Variants in EPHA6 observed in about 807,000 individuals in gnomAD.
EPHA6 encodes ephrin type-A receptor 6.
In EPHA6, 50 loss-of-function variants were observed where a neutral mutation model predicts 112.0. That is an observed-to-expected ratio of 0.45 (90% CI 0.36 to 0.56). The LOEUF is 0.56. EPHA6 is among the 20% of genes least tolerant of loss of function. EPHA6 has a pLI of 0.00. For missense variants in EPHA6, 1,280 were observed against 1,417.4 expected, an observed-to-expected ratio of 0.90 and a Z score of 1.56; for synonymous variants, 529 against 490.7, an observed-to-expected ratio of 1.08 and a Z score of -1.03.
chr3:97,062,837 TAC>T (rs1471669060), intron 3 of EPHA6, among the ~76,000 whole-genome samples: 1 of 152,128 alleles, frequency 6.6e-6, no homozygotes, highest in African/African-American at 2.4e-5. Flanking sequence ...CTTTGTAAAT[TAC>T]ACAGTTTCAG....
chr3:97,239,728 A>T (rs1314694000), intron 4 of EPHA6, among the ~76,000 whole-genome samples: 2 of 151,822 alleles, frequency 1.3e-5, no homozygotes, highest in African/African-American at 4.8e-5. Context: ...GGGGAGGCAG[A>T]GGCAGAAAAA....
chr3:96,842,140 G>A (rs1470817173), intron 1 of EPHA6, among the ~76,000 whole-genome samples: 1 of 152,054 alleles, frequency 6.6e-6, no homozygotes. Flanking sequence ...TCTGATTCAG[G>A]CAAGAGCAGT....
chr3:97,276,453 T>A (rs889622573), intron 5 of EPHA6, among the ~76,000 whole-genome samples: 8 of 152,040 alleles, frequency 5.3e-5, no homozygotes, highest in Admixed American at 6.5e-5. Context: ...AGCAAGCTCC[T>A]GGGAGAGGAG....
At chr3:97,074,224 A>T (rs1448458050) in intron 3 of EPHA6, among the ~76,000 whole-genome samples, 1 of 152,030 alleles carries the variant, frequency 6.6e-6, no homozygotes, top group Non-Finnish European at 1.5e-5. Flanking sequence ...AAATCAACAT[A>T]CTTGCATTGA....
intron 11 of EPHA6, among the ~76,000 whole-genome samples, chr3:97,552,751 A>G (rs1274049463): frequency 1.3e-5 from 2 of 152,206 alleles, no homozygotes; most frequent in Non-Finnish European, 2.9e-5. Flanking sequence ...TTTGTCCATA[A>G]AGCACCTCTT....
chr3:97,317,569 G>A (rs1023256776), intron 5 of EPHA6, among the ~76,000 whole-genome samples: 2 of 151,852 alleles, frequency 1.3e-5, no homozygotes, highest in Non-Finnish European at 2.9e-5. Flanking sequence ...TGGACTGATA[G>A]TAGATTGTTT....
chr3:97,063,174 A>G (rs775906967), intron 3 of EPHA6, among the ~76,000 whole-genome samples: 38 of 152,182 alleles, frequency 2.5e-4, no homozygotes, highest in Non-Finnish European at 4.4e-4. Context: ...CAGAAATATC[A>G]TTTGACTCAG....
At chr3:97,483,680 T>C (rs1000129217) in intron 9 of EPHA6, among the ~76,000 whole-genome samples, 5 of 152,180 alleles carry the variant, frequency 3.3e-5, no homozygotes, top group African/African-American at 1.2e-4. Context: ...TATAGAAATA[T>C]GAGACATGTG....
chr3:97,029,923 G>T (rs1296835909), intron 3 of EPHA6, among the ~76,000 whole-genome samples: 2 of 152,012 alleles, frequency 1.3e-5, no homozygotes, highest in African/African-American at 2.4e-5. Flanking sequence ...CAGACTTTTG[G>T]ATAAGCAATT....
At chr3:97,456,420 C>A (rs375418092) in intron 7 of EPHA6, among the ~76,000 whole-genome samples, 1 of 151,984 alleles carries the variant, frequency 6.6e-6, no homozygotes, top group Non-Finnish European at 1.5e-5. Context: ...TTCCCCATTT[C>A]TTTCTCATTT....
chr3:97,427,871 C>T (rs2089255178), intron 6 of EPHA6, among the ~76,000 whole-genome samples: 1 of 150,432 alleles, frequency 6.6e-6, no homozygotes. Context: ...TAAATGTTGA[C>T]TATGCATGAC....
intron 1 of EPHA6, among the ~76,000 whole-genome samples, chr3:96,859,581 A>G (rs959800101): frequency 1.3e-5 from 2 of 151,938 alleles, no homozygotes; most frequent in African/African-American, 2.4e-5. Context: ...TTGTAGAGAT[A>G]GGGTCTTGGT....
intron 14 of EPHA6, among the ~76,000 whole-genome samples, chr3:97,703,272 G>C (rs2033499673): frequency 6.6e-6 from 1 of 152,170 alleles, no homozygotes. Flanking sequence ...CTGACCTCAT[G>C]TTTCAAATGA....
At position 96,987,788 on chromosome 3, in the gene EPHA6, C is replaced by T. The variant is rs753366272; in HGVS notation, c.909C>T (p.Phe303=). 1.9e-6 allele frequency: 3 copies of T among 1,613,976 alleles called. No homozygotes were observed. In the East Asian group the frequency reaches 6.7e-5, roughly 36 times the overall value. ...SVRVFYKKCP[F]TVRNLAMFPD... ...GTGTTTTCTACAAGAAATGCCCCTT[C>T]ACTGTTCGTAACTTGGCCATGTTTC... Residue 303 remains phenylalanine (F), a synonymous_variant, in exon 3 of 18, where the codon TTC becomes TTT. Transcript: ENST00000389672.
chr3:96,880,147 T>C (rs1344097143), intron 2 of EPHA6, among the ~76,000 whole-genome samples: 4 of 151,966 alleles, frequency 2.6e-5, no homozygotes, highest in African/African-American at 9.7e-5. Flanking sequence ...ATTTTGAATG[T>C]TCTCACCTCA....
At chr3:96,970,513 T>C (rs72916478) in intron 2 of EPHA6, among the ~76,000 whole-genome samples, 6,451 of 152,126 alleles carry the variant, frequency 0.042, 441 homozygotes, top group African/African-American at 0.14. Flanking sequence ...TCATGTCATA[T>C]ATAGAATCAT....
At position 97,756,936 on chromosome 3, in the gene EPHA6, T is replaced by C. The variant is rs2036040958; in HGVS notation, c.*8235T>C. Among the ~76,000 whole-genome samples the C allele has an allele frequency of 6.6e-6, 1 of 152,030 alleles. No homozygotes were observed. Among genetic ancestry groups the C allele is most frequent in the African/African-American group, 2.4e-5 (1 of 41,566 alleles). On this transcript the variant is annotated 3_prime_UTR_variant, in exon 18 of 18. Coordinates refer to ENST00000389672, the MANE Select transcript of EPHA6 (RefSeq NM_001080448.3). ...GGGATATTTTACATAATCATACTTA[T>C]TTTTAATTTTGTGTACAGTGAAAAC...
At chr3:96,991,888 G>T (rs1467462782) in intron 3 of EPHA6, among the ~76,000 whole-genome samples, 1 of 152,130 alleles carries the variant, frequency 6.6e-6, no homozygotes, top group South Asian at 2.1e-4. Flanking sequence ...GAAAGGCAGG[G>T]AACACAACAG....
At chr3:97,680,343 GCCCAGC>G (rs2107680252) in intron 14 of EPHA6, among the ~76,000 whole-genome samples, 1 of 152,226 alleles carries the variant, frequency 6.6e-6, no homozygotes, top group South Asian at 2.1e-4. Context: ...CTTTCATCAG[GCCCAGC>G]CCACAAGCAT....
Sources: allele counts gnomAD v4.1 joint callset (sites outside exome capture counted in the v4.1 genomes callset), GRCh38; gene constraint gnomAD v4.1.1; transcripts MANE v1.5; gene names NCBI Gene and HGNC (gene_info 2026-07-23, HGNC 2026-07-21).